Variants in DLG5 observed in about 807,000 individuals in gnomAD.
DLG5 encodes the protein disks large homolog 5.
In DLG5, 48 loss-of-function variants were observed where a neutral mutation model predicts 189.8. That is an observed-to-expected ratio of 0.25 (90% confidence interval 0.20 to 0.32). The LOEUF (loss-of-function observed/expected upper bound fraction) is 0.32. DLG5 is among the 10% of genes least tolerant of loss of function. The pLI is 1.00. For synonymous variants in DLG5, 1,016 were observed against 1,054.1 expected (o/e 0.96, Z 0.70); for missense variants, 2,160 against 2,544.7 (o/e 0.85, Z 3.25).
At chr10:77,809,135 G>A (rs549977963) in intron 24 of DLG5, among the ~76,000 whole-genome samples, 29 of 147,850 alleles carry the variant, frequency 2.0e-4, no homozygotes, top group African/African-American at 5.8e-4. Flanking sequence ...GGCTGGACAC[G>A]GTAGCTCATG....
At chr10:77,877,889 CAT>C (rs1287058834) in intron 1 of DLG5, among the ~76,000 whole-genome samples, 2 of 152,158 alleles carry the variant, frequency 1.3e-5, no homozygotes, top group African/African-American at 2.4e-5. Flanking sequence ...CCTGACAGCA[CAT>C]GTCACACCAA....
At position 77,926,595 on chromosome 10, in the gene DLG5, A is replaced by C. The variant is rs939904389; in HGVS notation, c.-75T>G. 1.8e-6 allele frequency: 2 copies of C among 1,134,426 alleles called. No homozygotes were observed. The highest frequency in any genetic ancestry group is 4.3e-5 in the South Asian group (1 of 23,116). The allele number at this position is 1,134,426 out of a possible 1,614,324, so 70.3% of individuals were successfully genotyped here. A position where few individuals can be genotyped will look rare whatever the true frequency, so the allele number is the denominator to read the frequency against. ...GAGGCCGGCGGGCGGGCAGGCGAGC[A>C]CCTCGGCAGCAGCCCTAGGGCGCCG... On this transcript the variant is annotated 5_prime_UTR_variant, in exon 1 of 32. Transcript: ENST00000372391. The surrounding 1 kb of genome is among the most constrained non-coding windows in gnomAD (Gnocchi z 5.2).
chr10:77,830,448 T>TCC, intron 10 of DLG5, 104 bp from the exon 11 acceptor site: 1 of 1,527,042 alleles, frequency 6.5e-7, no homozygotes, highest in Non-Finnish European at 8.9e-7. Context: ...GACTGTCCCT[T>TCC]CACCTCATCT....
upstream of DLG5, among the ~76,000 whole-genome samples, chr10:77,931,729 T>C (rs904947517): frequency 2.6e-5 from 4 of 152,120 alleles, no homozygotes; most frequent in Non-Finnish European, 5.9e-5. Context: ...CTCTCTAAGG[T>C]TGACTCTTCA....
rs1360357911 is a variant in DLG5 at position 77,791,783 on chromosome 10, G to T, written c.*657C>A. 1 of 153,146 alleles carries T rather than the reference G, an allele frequency of 6.5e-6. No individual in the cohort carries two copies. Among genetic ancestry groups the T allele is most frequent in the East Asian group, 1.9e-4 (1 of 5,196 alleles). 9.5% of individuals were successfully genotyped at this position (153,146 alleles called of 1,614,324 possible). On this transcript the variant is annotated 3_prime_UTR_variant, in exon 32 of 32. Coordinates refer to ENST00000372391, the MANE Select transcript of DLG5 (RefSeq NM_004747.4). The stretch of plus-strand genomic sequence containing the variant: ...GCAGGAGAGAAAGGCCGAGAGACGA[G>T]TTTGTAAGAATGCCAAAGTCACCTT...
Position 77,821,860 on chromosome 10 carries a change from C to A in DLG5, c.2624G>T (p.Gly875Val), listed in dbSNP as rs1284871459. The change falls in exon 15 of 32, where the codon GGA (glycine) becomes GTA (valine). Residue 875 changes from glycine to valine, a missense_variant. Gly to Val is a moderately radical substitution (Grantham distance 109). This residue lies in a region of DLG5 where 754 missense variants were observed against 746.5 expected (regional missense o/e 1.01). Transcript: ENST00000372391. ...GGCCTGGGGGCAGACCTGCAAGGGT[C>A]CCCCAGGGAATGGCTTATGCAGAAA... The part of the protein sequence containing the change: ...SSFLHKPFPG[G>V]PLQVCPQACP... 1.2e-6 allele frequency: 2 copies of A among 1,613,988 alleles called. No individual in the cohort carries two copies. Among genetic ancestry groups the A allele is most frequent in the East Asian group, 2.2e-5 (1 of 44,852 alleles).
chr10:77,799,975 T>C (rs1841117703), intron 27 of DLG5, among the ~76,000 whole-genome samples: 1 of 151,882 alleles, frequency 6.6e-6, no homozygotes, highest in Non-Finnish European at 1.5e-5. Context: ...CTCCATATAT[T>C]CCTGAGACAC....
intron 30 of DLG5, among the ~76,000 whole-genome samples, 161 bp from the exon 31 acceptor site, chr10:77,794,278 T>C (rs1467761485): frequency 6.6e-6 from 1 of 152,100 alleles, no homozygotes; most frequent in Non-Finnish European, 1.5e-5. Context: ...CTGTAGGCTG[T>C]CGGGGGAGCT....
Position 77,805,791 on chromosome 10 carries a change from G to T in DLG5, c.5038C>A (p.Leu1680Met). 2 of 1,614,218 alleles carry T rather than the reference G, an allele frequency of 1.2e-6. No homozygotes were observed. The highest frequency in any genetic ancestry group is 1.7e-6 in the Non-Finnish European group (2 of 1,180,050). The change falls in exon 27 of 32, where the codon CTG (leucine) becomes ATG (methionine). Residue 1680 changes from leucine to methionine, a missense_variant. Physicochemically the swap from Leu to Met is conservative, Grantham distance 15. This residue lies in a region of DLG5 where 574 missense variants were observed against 644.2 expected (regional missense o/e 0.89). Transcript: ENST00000372391. ...AAGGACCGGCGTGCAGCCGCTGACAGCGTCTTTGTGGCGCTATTGTCATCT... is the reference window on the plus strand; with the variant it reads ...AAGGACCGGCGTGCAGCCGCTGACATCGTCTTTGTGGCGCTATTGTCATCT... The part of the protein sequence containing the change: ...VKDDNSATKT[L>M]SAAARRSFFR...
intron 1 of DLG5, among the ~76,000 whole-genome samples, chr10:77,875,528 C>T (rs930104803): frequency 2.6e-5 from 4 of 151,856 alleles, no homozygotes; most frequent in African/African-American, 9.7e-5. Context: ...GCTGTGGCTT[C>T]ATGGCCCCCA....
chr10:77,820,254 G>T, intron 15 of DLG5: 1 of 468,486 alleles, frequency 2.1e-6, no homozygotes. Context: ...GCTGAGGCAG[G>T]AGAATCGCTT....
intron 2 of DLG5, 33 bp downstream of exon 2, chr10:77,869,096 C>T (rs1564564254): frequency 6.2e-7 from 1 of 1,602,890 alleles, no homozygotes. Flanking sequence ...ACCCCTGGCC[C>T]ACCCGGTGTC....
At position 77,910,159 on chromosome 10, in the gene DLG5, G is replaced by A. The variant is rs534546354; in HGVS notation, c.304+16058C>T. 1.9e-4 allele frequency among the ~76,000 whole-genome samples: 29 copies of A among 152,294 alleles called. 1 individual carries two copies. In the South Asian group the frequency reaches 2.3e-3, roughly 12 times the overall value. ...GAACACATCTGCTGAATGAATGGAC[G>A]AATGCTGTGACGAAGAGAGGTGGAG... On this transcript the variant is annotated intron_variant, in intron 1 of 31. Transcript: ENST00000372391.
chr10:77,934,637 C>T, the DLG5 span, among the ~76,000 whole-genome samples: 2 of 152,080 alleles, frequency 1.3e-5, no homozygotes, highest in Non-Finnish European at 2.9e-5. Flanking sequence ...AGCAAGGAGC[C>T]AGGAACCTCA....
intron 29 of DLG5, among the ~76,000 whole-genome samples, chr10:77,795,756 C>T (rs1027206736): frequency 6.6e-6 from 1 of 152,104 alleles, no homozygotes; most frequent in African/African-American, 2.4e-5. Flanking sequence ...GAATGCCCTG[C>T]GAGAGGCCTT....
At chr10:77,938,418 A>G in the DLG5 span, among the ~76,000 whole-genome samples, 1 of 152,098 alleles carries the variant, frequency 6.6e-6, no homozygotes, top group African/African-American at 2.4e-5. Flanking sequence ...GTGACAGAGC[A>G]AGACCCTGTC....
the DLG5 span, among the ~76,000 whole-genome samples, chr10:77,937,590 T>A: frequency 1.3e-5 from 2 of 152,146 alleles, no homozygotes; most frequent in African/African-American, 4.8e-5. Context: ...ATCTTTCTGT[T>A]CTTTAGGTCT....
intron 1 of DLG5, among the ~76,000 whole-genome samples, chr10:77,880,900 C>A (rs1040247043): frequency 6.7e-6 from 1 of 149,658 alleles, no homozygotes; most frequent in Non-Finnish European, 1.5e-5. Context: ...TTGCCCAAGG[C>A]CACAAAGCTA....
In DLG5 at chr10:77,900,507, C is replaced by T. The variant is rs191828959; in HGVS notation, c.304+25710G>A. Among the ~76,000 whole-genome samples, 7 of 152,268 alleles carry T rather than the reference C, an allele frequency of 4.6e-5. No homozygotes were observed. In the South Asian group the frequency reaches 8.3e-4, roughly 18 times the overall value. ...GGGGCCCCCTTCCATAAGAGAAAAA[C>T]GATCCCCTTTGGCTGGGCATGGTGG... On this transcript the variant is annotated intron_variant, in intron 1 of 31. Coordinates refer to ENST00000372391, the MANE Select transcript of DLG5 (RefSeq NM_004747.4).
Sources: gnomAD v4.1 joint callset for allele counts (sites outside exome capture counted in the v4.1 genomes callset) on GRCh38, gnomAD v4.1.1 for gene constraint, gnomAD v4.1.1 regional missense constraint, Gnocchi (gnomAD v3.1) non-coding constraint, MANE v1.5 for transcripts, NCBI Gene and HGNC (gene_info 2026-07-23, HGNC 2026-07-21) for gene names.